Variants in JMJD4 observed in about 807,000 individuals in gnomAD.
JMJD4 encodes the protein jumonji domain containing 4.
In JMJD4, 34 loss-of-function variants were observed where a neutral mutation model predicts 36.3. The observed-to-expected ratio is 0.94, with a 90% confidence interval of 0.71 to 1.25. JMJD4 has a LOEUF of 1.25. Ranked by LOEUF, JMJD4 falls within the 50% of genes most tolerant of loss-of-function variation. JMJD4 has a pLI of 0.00. For synonymous variants in JMJD4, 269 were observed against 235.3 expected (o/e 1.14, Z -1.31); for missense variants, 584 against 559.1 (o/e 1.04, Z -0.45).
intron 4 of JMJD4, 163 bp from the exon 5 acceptor site, chr1:227,733,190 G>A: frequency 1.1e-6 from 1 of 905,616 alleles, no homozygotes; most frequent in Non-Finnish European, 1.6e-6. Flanking sequence ...TGGGTGGCGG[G>A]CTCGGACCAC....
rs1255928163 is a variant in JMJD4 at position 227,732,893 on chromosome 1, G to T, written c.957C>A (p.His319Gln). Residue 319 changes from histidine to glutamine, a missense_variant, in exon 5 of 6, where the codon CAC becomes CAA. Coordinates refer to ENST00000620518, the MANE Select transcript of JMJD4 (RefSeq NM_023007.3). ...GTAGCCACCCCACCTGGCAGTGGTGGTGCCAGTCGGGCATGGAGTCCCTCC... is the reference window on the plus strand; with the variant it reads ...GTAGCCACCCCACCTGGCAGTGGTGTTGCCAGTCGGGCATGGAGTCCCTCC... ...SEWRDSMPDWHHHCQVIMRSC... is the reference protein window; with the variant it reads ...SEWRDSMPDWQHHCQVIMRSC... The T allele has an allele frequency of 1.2e-6, 2 of 1,612,590 alleles. No homozygotes were observed. The highest frequency in any genetic ancestry group is 1.7e-6 in the Non-Finnish European group (2 of 1,180,030).
Position 227,732,238 on chromosome 1 carries a change from A to C in JMJD4, c.*154T>G. 2.3e-6 allele frequency: 2 copies of C among 867,480 alleles called. No homozygotes were observed. Among genetic ancestry groups the C allele is most frequent in the Non-Finnish European group, 1.8e-6 (1 of 552,956 alleles). 53.7% of individuals were successfully genotyped at this position (867,480 alleles called of 1,614,324 possible). ...CTGACCTCATTGGGCCTCACCTGAA[A>C]ACAGGCACCCAGGCAGTGGCCATGA... On this transcript the variant is annotated 3_prime_UTR_variant, in exon 6 of 6. Coordinates refer to ENST00000620518, the MANE Select transcript of JMJD4 (RefSeq NM_023007.3).
Position 227,734,709 on chromosome 1 carries a change from G to C in JMJD4, c.370C>G (p.Gln124Glu), listed in dbSNP as rs572621463. 6.2e-7 allele frequency: 1 copy of C among 1,614,154 alleles called. No homozygotes were observed. Among genetic ancestry groups the C allele is most frequent in the Non-Finnish European group, 8.5e-7 (1 of 1,180,002 alleles). ...CCCCTGGGAGAGGAGTAGCCCGCCT[G>C]TATGTACTCTTTCCAGTAGGTGATG... is the stretch of plus-strand genomic sequence containing the variant. ...DYITYWKEYI[Q>E]AGYSSPRGCL... Residue 124 changes from glutamine to glutamate, a missense_variant, in exon 2 of 6, where the codon CAG becomes GAG. Gln to Glu is a conservative substitution (Grantham distance 29). Coordinates refer to ENST00000620518, the MANE Select transcript of JMJD4 (RefSeq NM_023007.3).
chr1:227,734,875 T>C, intron 1 of JMJD4, 59 bp from the exon 2 acceptor site: 1 of 1,602,110 alleles, frequency 6.2e-7, no homozygotes, highest in African/African-American at 1.3e-5. Context: ...CTCCAAACCG[T>C]CTGCAGAGGA....
intron 3 of JMJD4, 85 bp downstream of exon 3, chr1:227,733,822 C>T: frequency 1.3e-6 from 2 of 1,590,942 alleles, no homozygotes; most frequent in Non-Finnish European, 1.7e-6. Flanking sequence ...CTGTGCCAAG[C>T]AGCCCCCCTC....
chr1:227,734,842 C>T, intron 1 of JMJD4, 26 bp from the exon 2 acceptor site: 1 of 1,612,740 alleles, frequency 6.2e-7, no homozygotes, highest in Non-Finnish European at 8.5e-7. Context: ...CGGTCCATGC[C>T]ATCTCCCTGG....
Position 227,732,974 on chromosome 1 carries a change from G to A in JMJD4, c.876C>T (p.Asn292=). The A allele has an allele frequency of 6.2e-7, 1 of 1,613,400 alleles. No individual in the cohort carries two copies. The highest frequency in any genetic ancestry group is 1.3e-5 in the African/African-American group (1 of 75,074). ...GCTCCTGCTGCAAGAAGCGCCACAT[G>A]TTGGCCAGGTTGAAGCCATTGACCC... ...HNWVNGFNLA[N]MWRFLQQELC... is the part of the protein sequence containing the mutation. The change falls in exon 5 of 6, where the codon AAC becomes AAT. Residue 292 remains asparagine (N), a synonymous_variant. Transcript: ENST00000620518.
At position 227,732,452 on chromosome 1, in the gene JMJD4, T is replaced by A; in HGVS notation, c.1194A>T (p.Pro398=). Residue 398 remains proline (P), a synonymous_variant, in exon 6 of 6, where the codon CCA becomes CCT. Coordinates refer to ENST00000620518, the MANE Select transcript of JMJD4 (RefSeq NM_023007.3). The part of the protein sequence containing the change: ...FQRVDTSAFS[P]QPKELLQQLR... ...GCTGCTGCAGCAGCTCTTTGGGCTG[T>A]GGTGAGAACGCGCTGGTGTCCACTC... 4 of 1,613,232 alleles carry A rather than the reference T, an allele frequency of 2.5e-6. No individual in the cohort carries two copies. Among genetic ancestry groups the A allele is most frequent in the Non-Finnish European group, 3.4e-6 (4 of 1,180,006 alleles).
rs1176505313 is a variant in JMJD4, at chr1:227,733,491, G to T, written c.745C>A (p.Pro249Thr). 6.3e-7 allele frequency: 1 copy of T among 1,594,496 alleles called. No homozygotes were observed. Among genetic ancestry groups the T allele is most frequent in the African/African-American group, 1.3e-5 (1 of 74,126 alleles). ...HLHPRNQLAG[P>T]PLEITQEAGE... Reference sequence around the variant, plus strand: ...GCTTCCTGCGTGATCTCCAAGGGTGGGCCAGCAAGCTGGTTCCGTGGGTGC... The same window carrying T: ...GCTTCCTGCGTGATCTCCAAGGGTGTGCCAGCAAGCTGGTTCCGTGGGTGC... Residue 249 changes from proline (P) to threonine (T), a missense_variant, in exon 4 of 6, where the codon CCA becomes ACA. Coordinates refer to ENST00000620518, the MANE Select transcript of JMJD4 (RefSeq NM_023007.3).
chr1:227,732,500 C>A lies in JMJD4; in HGVS notation c.1146G>T (p.Leu382Phe). The A allele has an allele frequency of 6.2e-7, 1 of 1,613,364 alleles. No homozygotes were observed. The highest frequency in any genetic ancestry group is 8.5e-7 in the Non-Finnish European group (1 of 1,180,024). ...VGRITEVLAS[L>F]VAHPDFQRVD... ...CTCTCTGGAAGTCGGGGTGCGCAAC[C>A]AAGGAGGCCAGCACCTCTGTGATGC... The change falls in exon 6 of 6, where the codon TTG becomes TTT. Residue 382 changes from leucine (L) to phenylalanine (F), a missense_variant. Leu to Phe is a conservative substitution (Grantham distance 22, BLOSUM62 0). Coordinates refer to ENST00000620518, the MANE Select transcript of JMJD4 (RefSeq NM_023007.3).
intron 5 of JMJD4, 72 bp downstream of exon 5, chr1:227,732,809 A>T: frequency 6.3e-7 from 1 of 1,599,636 alleles, no homozygotes. Context: ...CTGCGCGGTG[A>T]CCAAGGGAGT....
intron 2 of JMJD4, 58 bp from the exon 3 acceptor site, chr1:227,734,090 C>T: frequency 1.9e-6 from 3 of 1,575,750 alleles, no homozygotes; most frequent in Admixed American, 3.6e-5. Context: ...GAGACTAGGG[C>T]AGCACGAGTG....
At position 227,733,572 on chromosome 1, in the gene JMJD4, G is replaced by A. The variant is rs911379275; in HGVS notation, c.664C>T (p.Arg222Cys). Residue 222 changes from arginine to cysteine, a missense_variant, in exon 4 of 6, where the codon CGC becomes TGC. By Grantham distance (180) the Arg-to-Cys change is radical (BLOSUM62 -3). Coordinates refer to ENST00000620518, the MANE Select transcript of JMJD4 (RefSeq NM_023007.3). ...ACGTCGTAGGGCAGGTTGCCGTGGC[G>A]GTCCCGCAGGGCCTCTTCCTGCCCT... is the stretch of plus-strand genomic sequence containing the variant. Reference protein sequence around the residue: ...PPGQEEALRDRHGNLPYDVTS... With the variant: ...PPGQEEALRDCHGNLPYDVTS... 52 of 1,606,118 alleles carry A rather than the reference G, an allele frequency of 3.2e-5. No individual in the cohort carries two copies. Among genetic ancestry groups the A allele is most frequent in the African/African-American group, 1.3e-4 (10 of 74,474 alleles).
In JMJD4 at chr1:227,733,626, CACAG is replaced by C; in HGVS notation, c.606_609del (p.Cys203GlyfsTer27). ...GGGAAGAGGAGCCACTTCTTCCTCCCACAGACATTGACAGACCAGCTGAAGGAGC... is the reference window on the plus strand; with the variant it reads ...GGGAAGAGGAGCCACTTCTTCCTCCCACATTGACAGACCAGCTGAAGGAGC... On this transcript the variant is annotated frameshift_variant, in exon 4 of 6. Transcript: ENST00000620518. LOFTEE classifies it high-confidence loss of function. 6.2e-7 allele frequency: 1 copy of C among 1,604,194 alleles called. No individual in the cohort carries two copies. Among genetic ancestry groups the C allele is most frequent in the Non-Finnish European group, 8.5e-7 (1 of 1,178,984 alleles).
rs138383272 is a variant in JMJD4, at chr1:227,734,757, C to G, written c.322G>C (p.Glu108Gln). The change falls in exon 2 of 6, where the codon GAG becomes CAG. Residue 108 changes from glutamate (E) to glutamine (Q), a missense_variant. Coordinates refer to ENST00000620518, the MANE Select transcript of JMJD4 (RefSeq NM_023007.3). ...ATGTAGTCTCTGAGAGTCATGTGCT[C>G]TTTGGGGTTCGAGTTGTATTCCTGG... is the stretch of plus-strand genomic sequence containing the variant. ...GVQEYNSNPKEHMTLRDYITY... is the reference protein window; with the variant it reads ...GVQEYNSNPKQHMTLRDYITY... 18 of 1,614,074 alleles carry G rather than the reference C, an allele frequency of 1.1e-5. No individual in the cohort carries two copies. Among genetic ancestry groups the G allele is most frequent in the Non-Finnish European group, 1.4e-5 (16 of 1,180,038 alleles).
chr1:227,734,352 TAAAAAAAAAAAAAA>T, intron 2 of JMJD4: 1 of 76,910 alleles, frequency 1.3e-5, no homozygotes, highest in South Asian at 3.3e-4. Context: ...CTAGTCTCTT[TAAAAAAAAAAAAAA>T]AAAAAAAAAA....
In JMJD4 at chr1:227,734,717, T is replaced by C. The variant is rs1351444884; in HGVS notation, c.362A>G (p.Glu121Gly). ...AGAGGAGTAGCCCGCCTGTATGTACTCTTTCCAGTAGGTGATGTAGTCTCT... is the reference window on the plus strand; with the variant it reads ...AGAGGAGTAGCCCGCCTGTATGTACCCTTTCCAGTAGGTGATGTAGTCTCT... ...TLRDYITYWK[E>G]YIQAGYSSPR... is the part of the protein sequence containing the mutation. The change falls in exon 2 of 6, where the codon GAG becomes GGG. Residue 121 changes from glutamate to glycine, a missense_variant. Transcript: ENST00000620518. 6.2e-7 allele frequency: 1 copy of C among 1,614,174 alleles called. No individual in the cohort carries two copies. Among genetic ancestry groups the C allele is most frequent in the Non-Finnish European group, 8.5e-7 (1 of 1,179,992 alleles).
rs769184461 is a variant in JMJD4, at chr1:227,732,533, A to G, written c.1113T>C (p.Asp371=). Residue 371 remains aspartate, a synonymous_variant, in exon 6 of 6, where the codon GAT becomes GAC. Transcript: ENST00000620518. ...AGLGFEQAAF[D]VGRITEVLAS... is the part of the protein sequence containing the mutation. ...CCAGCACCTCTGTGATGCGCCCAAC[A>G]TCAAAGGCTGCCTGTTCGAAACCCA... is the stretch of plus-strand genomic sequence containing the variant. The G allele has an allele frequency of 6.2e-7, 1 of 1,613,386 alleles. No individual in the cohort carries two copies. The highest frequency in any genetic ancestry group is 1.3e-5 in the African/African-American group (1 of 75,042).
In JMJD4 at chr1:227,732,838, A is replaced by G. The variant is rs200741954; in HGVS notation, c.969+43T>C. On this transcript the variant is annotated intron_variant, in intron 5 of 5. Transcript: ENST00000620518. ...AGGGAGTCTGAGCCATGCAGCCTAA[A>G]AGCCTCCCCCAGGAGGGTAGCCTCC... is the stretch of plus-strand genomic sequence containing the variant. The G allele has an allele frequency of 2.4e-5, 39 of 1,609,274 alleles. No individual in the cohort carries two copies. In the East Asian group the frequency reaches 7.8e-4, roughly 32 times the overall value.
Sources: gnomAD v4.1 joint callset for allele counts on GRCh38, gnomAD v4.1.1 for gene constraint, MANE v1.5 for transcripts, NCBI Gene and HGNC (gene_info 2026-07-23, HGNC 2026-07-21) for gene names.